FLT4: variants seen among roughly 807,000 people sequenced by gnomAD.
FLT4 encodes vascular endothelial growth factor receptor 3.
Under a neutral mutation model 163.2 loss-of-function variants are expected in FLT4, and 30 were observed. That is an observed-to-expected ratio of 0.18 (90% CI 0.14 to 0.25). The LOEUF (loss-of-function observed/expected upper bound fraction) is 0.25, where lower values mean the gene tolerates loss of function less well. Among genes scored for constraint, FLT4 ranks in the 10% least tolerant of loss-of-function variants. The probability of loss-of-function intolerance (pLI) is 1.00; values close to 1 mark genes in which losing one functional copy is unlikely to be tolerated. For missense variants in FLT4, 1,510 were observed against 1,863.8 expected (o/e 0.81, Z 3.50); for synonymous variants, 884 against 789.5 (o/e 1.12, Z -2.01).
intron 1 of FLT4, among the ~76,000 whole-genome samples, chr5:180,639,164 T>G (rs1436804726): frequency 3.1e-5 from 4 of 128,674 alleles, no homozygotes; most frequent in Non-Finnish European, 6.7e-5. Flanking sequence ...GGTGGGTGAG[T>G]AGAAGGATGG....
At chr5:180,639,830 C>T (rs938180901) in intron 1 of FLT4, among the ~76,000 whole-genome samples, 2 of 152,196 alleles carry the variant, frequency 1.3e-5, no homozygotes, top group African/African-American at 4.8e-5. Context: ...CTTCCCTTCC[C>T]GCAGCAGGAA....
intron 29 of FLT4, chr5:180,607,851 A>C: frequency 1.9e-6 from 1 of 532,520 alleles, no homozygotes; most frequent in Non-Finnish European, 3.3e-6. Context: ...CTGAAGGGAC[A>C]TTGTGAGAAG....
At chr5:180,626,425 T>C (rs957851988) in intron 8 of FLT4, among the ~76,000 whole-genome samples, 160 bp from the exon 9 acceptor site, 1 of 152,116 alleles carries the variant, frequency 6.6e-6, no homozygotes, top group Non-Finnish European at 1.5e-5. Flanking sequence ...TCTAAGTCCC[T>C]GGAGATGGTC....
chr5:180,629,535 C>T (rs1763921648), intron 6 of FLT4, 108 bp from the exon 7 acceptor site: 1 of 1,496,968 alleles, frequency 6.7e-7, no homozygotes, highest in Non-Finnish European at 9.1e-7. Context: ...AAGCCCTGGA[C>T]CCAGGCCCTG....
At position 180,601,720 on chromosome 5, in the gene FLT4, C is replaced by T; in HGVS notation, c.*1472G>A. 4.3e-6 allele frequency: 1 copy of T among 233,230 alleles called. No individual in the cohort carries two copies. The highest frequency in any genetic ancestry group is 6.0e-5 in the East Asian group (1 of 16,566). The allele number at this position is 233,230 out of a possible 1,614,324, so 14.4% of individuals were successfully genotyped here. A position where few individuals can be genotyped will look rare whatever the true frequency, so the allele number is the denominator to read the frequency against. ...TCCAGATCCTCCCAGGGAAGCCTGA[C>T]ACGCCAGTCCCACGTTGGACGACGT... On this transcript the variant is annotated 3_prime_UTR_variant, in exon 30 of 30. Transcript: ENST00000261937.
chr5:180,605,565 C>T lies in FLT4; in HGVS notation c.3894-2175G>A, dbSNP rs116648690. Among the ~76,000 whole-genome samples, 191 of 152,322 alleles carry T rather than the reference C, an allele frequency of 1.3e-3. 2 individuals carry two copies. The highest frequency in any genetic ancestry group is 2.3e-3 in the Non-Finnish European group (154 of 68,032). ...TTAGGATTTCCTACACCAGAAATAG[C>T]CACTTCTCCTGTGGATGGGACTAGG... On this transcript the variant is annotated intron_variant, in intron 29 of 29. Coordinates refer to ENST00000261937, the MANE Select transcript of FLT4 (RefSeq NM_182925.5).
intron 1 of FLT4, among the ~76,000 whole-genome samples, chr5:180,642,570 T>C (rs1260959263): frequency 3.3e-5 from 5 of 152,144 alleles, no homozygotes; most frequent in Non-Finnish European, 5.9e-5. Context: ...TCTCTCTCGA[T>C]GGTGGCACAC....
intron 1 of FLT4, among the ~76,000 whole-genome samples, chr5:180,642,683 C>T (rs1765218594): frequency 6.6e-6 from 1 of 152,202 alleles, no homozygotes; most frequent in Non-Finnish European, 1.5e-5. Flanking sequence ...ACATCCAACA[C>T]TGGGTAGGAT....
chr5:180,607,374 G>T lies in FLT4; in HGVS notation c.3893+1594C>A, dbSNP rs4312841. On this transcript the variant is annotated intron_variant, in intron 29 of 29. Coordinates refer to ENST00000261937, the MANE Select transcript of FLT4 (RefSeq NM_182925.5). ...AACAGTGGCCGGGCGCGGTGGCTCA[G>T]GCCTGTAATCCCAGCACTTTGGGAG... Among the ~76,000 whole-genome samples, 168 of 151,946 alleles carry T rather than the reference G, an allele frequency of 1.1e-3. 1 individual carries two copies. The highest frequency in any genetic ancestry group is 4.0e-3 in the African/African-American group (164 of 41,446).
rs1462830526 is a variant in FLT4 at position 180,629,708 on chromosome 5, G to A, written c.804C>T (p.Tyr268=). The A allele has an allele frequency of 2.5e-6, 4 of 1,611,248 alleles. No individual in the cohort carries two copies. The highest frequency in any genetic ancestry group is 3.4e-6 in the Non-Finnish European group (4 of 1,179,360). The change falls in exon 6 of 30, where the codon TAC becomes TAT. Residue 268 remains tyrosine (Y), a synonymous_variant. Transcript: ENST00000261937. ...FNSGVTFDWD[Y]PGKQAERGKW... ...CTGCTGACCTCACCTGCTTCCCTGG[G>A]TAGTCCCAGTCAAAGGTGACACCTG...
intron 1 of FLT4, among the ~76,000 whole-genome samples, chr5:180,639,400 C>G (rs66837141): frequency 6.8e-6 from 1 of 148,022 alleles, no homozygotes; most frequent in Admixed American, 6.7e-5. Flanking sequence ...GATGGATGGA[C>G]GGATGGATGA....
intron 24 of FLT4, chr5:180,613,369 C>T (rs929130346): frequency 2.2e-6 from 1 of 454,316 alleles, no homozygotes; most frequent in Non-Finnish European, 3.9e-6. Flanking sequence ...GAGCATCCAC[C>T]CACTGGCGAC....
At chr5:180,607,446 G>A (rs1761862190) in intron 29 of FLT4, among the ~76,000 whole-genome samples, 1 of 151,968 alleles carries the variant, frequency 6.6e-6, no homozygotes, top group African/African-American at 2.4e-5. Flanking sequence ...GACCATCCTG[G>A]CTAACATGGC....
Position 180,618,891 on chromosome 5 carries a change from G to A in FLT4, c.2880C>T (p.Phe960=), listed in dbSNP as rs1463176257. The change falls in exon 21 of 30, where the codon TTC becomes TTT. Residue 960 remains phenylalanine, a synonymous_variant. Transcript: ENST00000261937. ...GCCTGGCGAGCTCCACCATGGCGCG[G>A]AAGCGTCCGCGCTGCTCGGGAGACT... ...AEKSPEQRGR[F]RAMVELARLD... The A allele has an allele frequency of 1.9e-6, 3 of 1,587,592 alleles. No homozygotes were observed. Among genetic ancestry groups the A allele is most frequent in the Non-Finnish European group, 2.6e-6 (3 of 1,167,904 alleles).
intron 2 of FLT4, among the ~76,000 whole-genome samples, chr5:180,631,043 G>A (rs1302283710): frequency 1.4e-5 from 2 of 145,770 alleles, no homozygotes; most frequent in African/African-American, 5.2e-5. Flanking sequence ...TGGGAAGGTG[G>A]GGAGGTACCC....
intron 1 of FLT4, among the ~76,000 whole-genome samples, chr5:180,648,270 G>C (rs1266669204): frequency 6.6e-6 from 1 of 152,146 alleles, no homozygotes; most frequent in Admixed American, 6.5e-5. Context: ...TCCTCCCCTG[G>C]TTGAGCCAGA....
At chr5:180,613,975 G>A (rs1762416176) in intron 24 of FLT4, 93 bp downstream of exon 24, 1 of 890,702 alleles carries the variant, frequency 1.1e-6, no homozygotes, top group African/African-American at 1.6e-5. Flanking sequence ...ACACCTCCAG[G>A]TGCCCAGTCC....
Position 180,611,355 on chromosome 5 carries a change from A to G in FLT4, c.3662T>C (p.Leu1221Pro), listed in dbSNP as rs2127791142. ...CCTGGCGGCCAGGCTGTGGCGCTGC[A>G]GGCTTGGCGGGCTGTCCTCAGCGTC... ...QADAEDSPPS[L>P]QRHSLAARYY... Residue 1221 changes from leucine to proline, a missense_variant, in exon 27 of 30, where the codon CTG (leucine) becomes CCG (proline). Physicochemically the swap from Leu to Pro is moderately conservative, Grantham distance 98. Transcript: ENST00000261937. The G allele has an allele frequency of 1.9e-6, 3 of 1,613,850 alleles. No individual in the cohort carries two copies. Among genetic ancestry groups the G allele is most frequent in the South Asian group, 2.2e-5 (2 of 91,080 alleles).
At chr5:180,645,338 C>A (rs975481240) in intron 1 of FLT4, among the ~76,000 whole-genome samples, 1 of 152,228 alleles carries the variant, frequency 6.6e-6, no homozygotes, top group African/African-American at 2.4e-5. Context: ...ACACGGCCGC[C>A]GTGGGGCAGC....
Sources: gnomAD v4.1 joint callset for allele counts (sites outside exome capture counted in the v4.1 genomes callset) on GRCh38, gnomAD v4.1.1 for gene constraint, MANE v1.5 for transcripts, NCBI Gene and HGNC (gene_info 2026-07-23, HGNC 2026-07-21) for gene names.